ME1: variants seen among roughly 807,000 people sequenced by gnomAD.
The protein encoded by ME1 is NADP-dependent malic enzyme.
In ME1, 74 loss-of-function variants were observed where a neutral mutation model predicts 66.4. The ratio of observed to expected loss-of-function variants is 1.11; its 90% CI spans 0.92 to 1.35. The LOEUF (loss-of-function observed/expected upper bound fraction) is 1.35. Among genes scored for constraint, ME1 ranks in the 40% most tolerant of loss-of-function variants. The pLI, the probability that ME1 is intolerant of heterozygous loss-of-function variation, is 0.00. For missense variants in ME1, 750 were observed against 694.1 expected (o/e 1.08, Z -0.90); for synonymous variants, 251 against 235.6 (o/e 1.07, Z -0.60).
intron 3 of ME1, among the ~76,000 whole-genome samples, chr6:83,365,432 T>C (rs1482405197): frequency 6.6e-6 from 1 of 152,180 alleles, no homozygotes; most frequent in East Asian, 1.9e-4. Context: ...TCTTCAACAT[T>C]TCATGCAGGG....
At chr6:83,358,416 T>C (rs536894520) in intron 3 of ME1, among the ~76,000 whole-genome samples, 1 of 152,228 alleles carries the variant, frequency 6.6e-6, no homozygotes, top group South Asian at 2.1e-4. Context: ...AGATTGTATC[T>C]CCTGGCTTCA....
At chr6:83,387,139 T>C (rs796143253) in intron 3 of ME1, among the ~76,000 whole-genome samples, 13 of 152,274 alleles carry the variant, frequency 8.5e-5, no homozygotes, top group African/African-American at 2.6e-4. Context: ...CACTGAGTTA[T>C]TGAAGTACTT....
intron 4 of ME1, among the ~76,000 whole-genome samples, chr6:83,347,459 G>A (rs981770835): frequency 2.0e-5 from 3 of 152,106 alleles, no homozygotes; most frequent in African/African-American, 4.8e-5. Flanking sequence ...TCAGAGAAAC[G>A]TGGGAATATG....
chr6:83,321,662 T>C (rs1680683412), intron 5 of ME1, among the ~76,000 whole-genome samples: 2 of 152,190 alleles, frequency 1.3e-5, no homozygotes, highest in African/African-American at 2.4e-5. Flanking sequence ...CAGGGTCTTA[T>C]AGATAAAACT....
chr6:83,425,190 T>C (rs1157975152), intron 1 of ME1, among the ~76,000 whole-genome samples: 1 of 151,912 alleles, frequency 6.6e-6, no homozygotes, highest in Non-Finnish European at 1.5e-5. Context: ...AAGATGGGAT[T>C]TTGCTATGTT....
chr6:83,253,868 T>C (rs1164810400), intron 6 of ME1, 130 bp from the exon 7 acceptor site: 3 of 540,658 alleles, frequency 5.5e-6, no homozygotes, highest in African/African-American at 3.8e-5. Context: ...TGCTTAAGTA[T>C]AAATATGTAA....
intron 5 of ME1, among the ~76,000 whole-genome samples, chr6:83,324,943 C>T (rs757834248): frequency 5.9e-5 from 9 of 151,982 alleles, no homozygotes; most frequent in African/African-American, 2.2e-4. Context: ...ATATCTCTGA[C>T]GAACATTGAC....
At chr6:83,393,965 G>C (rs1018021714) in intron 3 of ME1, among the ~76,000 whole-genome samples, 2 of 151,910 alleles carry the variant, frequency 1.3e-5, no homozygotes, top group African/African-American at 2.4e-5. Context: ...TCATCTACAA[G>C]GAAAATAGTA....
At chr6:83,347,415 TTAGA>T (rs1484736779) in intron 4 of ME1, among the ~76,000 whole-genome samples, 3 of 152,210 alleles carry the variant, frequency 2.0e-5, no homozygotes, top group Non-Finnish European at 4.4e-5. Flanking sequence ...ACACAATTTA[TTAGA>T]TAGTCTACAA....
intron 3 of ME1, among the ~76,000 whole-genome samples, chr6:83,376,403 G>C (rs1163589702): frequency 6.6e-6 from 1 of 151,570 alleles, no homozygotes; most frequent in Non-Finnish European, 1.5e-5. Flanking sequence ...ACTGAGGCAG[G>C]AGAATCACTT....
At chr6:83,298,464 A>G (rs945815770) in intron 6 of ME1, among the ~76,000 whole-genome samples, 1 of 152,096 alleles carries the variant, frequency 6.6e-6, no homozygotes, top group Non-Finnish European at 1.5e-5. Flanking sequence ...GTTGGATATT[A>G]GACCTTTCTC....
chr6:83,304,567 GAA>G, intron 6 of ME1, among the ~76,000 whole-genome samples: 1 of 152,058 alleles, frequency 6.6e-6, no homozygotes, highest in Non-Finnish European at 1.5e-5. Flanking sequence ...TGTATATACA[GAA>G]TATGATATTA....
At chr6:83,334,625 G>A (rs1431014138) in intron 5 of ME1, among the ~76,000 whole-genome samples, 2 of 24,020 alleles carry the variant, frequency 8.3e-5, no homozygotes. Flanking sequence ...ATCTGAGAAC[G>A]GGCAGACTGC....
At chr6:83,381,086 G>C (rs1769386176) in intron 3 of ME1, among the ~76,000 whole-genome samples, 1 of 152,094 alleles carries the variant, frequency 6.6e-6, no homozygotes, top group East Asian at 1.9e-4. Context: ...CTGCAAGAGT[G>C]AGATGAGCCA....
intron 3 of ME1, among the ~76,000 whole-genome samples, chr6:83,352,845 A>C (rs1020012813): frequency 1.3e-5 from 2 of 152,220 alleles, no homozygotes; most frequent in Non-Finnish European, 2.9e-5. Context: ...TGTGACTCAC[A>C]TACAGAGAAC....
chr6:83,292,881 A>G (rs1248038215), intron 6 of ME1, among the ~76,000 whole-genome samples: 1 of 152,156 alleles, frequency 6.6e-6, no homozygotes, highest in Non-Finnish European at 1.5e-5. Flanking sequence ...AAGCTCCCGC[A>G]TCCCAGGTCG....
At chr6:83,418,517 T>A (rs1770203734) in intron 1 of ME1, among the ~76,000 whole-genome samples, 1 of 152,218 alleles carries the variant, frequency 6.6e-6, no homozygotes, top group Non-Finnish European at 1.5e-5. Flanking sequence ...GGCAATCTGC[T>A]TTACTCAGTT....
intron 6 of ME1, among the ~76,000 whole-genome samples, chr6:83,275,183 A>T (rs1767153782): frequency 6.6e-6 from 1 of 151,664 alleles, no homozygotes; most frequent in Admixed American, 6.6e-5. Context: ...AAAATACAAA[A>T]ATTAGCCAGG....
intron 1 of ME1, among the ~76,000 whole-genome samples, chr6:83,416,817 G>A (rs1770167675): frequency 6.6e-6 from 1 of 151,370 alleles, no homozygotes; most frequent in Non-Finnish European, 1.5e-5. Context: ...GATGTCTTTG[G>A]CCCGGGAAGT....
Sources: gnomAD v4.1 joint callset for allele counts (sites outside exome capture counted in the v4.1 genomes callset) on GRCh38, gnomAD v4.1.1 for gene constraint, MANE v1.5 for transcripts, NCBI Gene and HGNC (gene_info 2026-07-23, HGNC 2026-07-21) for gene names.